Variants in XIRP2 observed in about 807,000 individuals in gnomAD.
XIRP2 encodes the protein xin actin-binding repeat-containing protein 2.
A neutral mutation model predicts 277.0 loss-of-function variants in XIRP2; 236 were observed. The observed-to-expected ratio is 0.85, with a 90% CI of 0.77 to 0.95. XIRP2 has a LOEUF of 0.95. Ranked by LOEUF, XIRP2 falls within the 40% of genes least tolerant of loss-of-function variation. The probability of loss-of-function intolerance (pLI) is 0.00; values close to 1 mark genes in which losing one functional copy is unlikely to be tolerated. For synonymous variants in XIRP2, 1,490 were observed against 1,416.5 expected (o/e 1.05, Z -1.17); for missense variants, 4,640 against 4,157.5 (o/e 1.12, Z -3.19).
At chr2:167,007,851 T>C (rs942187821) in intron 2 of XIRP2, among the ~76,000 whole-genome samples, 2 of 151,538 alleles carry the variant, frequency 1.3e-5, no homozygotes, top group African/African-American at 4.8e-5. Context: ...ATTTTTAAAA[T>C]GTGGAAGGGG....
At chr2:166,973,130 G>A (rs1686622152) in intron 2 of XIRP2, among the ~76,000 whole-genome samples, 1 of 151,898 alleles carries the variant, frequency 6.6e-6, no homozygotes, top group South Asian at 2.1e-4. Flanking sequence ...CTTTTCATAA[G>A]TTTTTCTATA....
chr2:166,933,542 T>C (rs1318753096), intron 2 of XIRP2, among the ~76,000 whole-genome samples: 1 of 151,462 alleles, frequency 6.6e-6, no homozygotes, highest in African/African-American at 2.4e-5. Context: ...ATCGTGCCAC[T>C]GCACTCCAGC....
intron 2 of XIRP2, among the ~76,000 whole-genome samples, chr2:167,125,166 GTATT>G (rs1003891206): frequency 6.6e-6 from 1 of 152,064 alleles, no homozygotes; most frequent in Non-Finnish European, 1.5e-5. Context: ...TCTAGTTATT[GTATT>G]TGTCTATTCT....
intron 3 of XIRP2, among the ~76,000 whole-genome samples, chr2:167,139,051 A>T (rs1410892929): frequency 1.3e-5 from 2 of 151,572 alleles, no homozygotes; most frequent in African/African-American, 4.9e-5. Context: ...TGGCCAACAG[A>T]GCGAGACTCT....
In XIRP2 at chr2:167,241,839, T is replaced by G; in HGVS notation, c.1105T>G (p.Phe369Val). ...TTCGACTAAGTTGTTAAAAGAGCAG[T>G]TTGAAAAGTCTGCCCAGGAAAAGAT... ...KVSTKLLKEQ[F>V]EKSAQEKILY... Residue 369 changes from phenylalanine (F) to valine (V), a missense_variant, in exon 8 of 11, where the codon TTT (phenylalanine) becomes GTT (valine). Transcript: ENST00000409195. 1.2e-6 allele frequency: 2 copies of G among 1,613,732 alleles called. No individual in the cohort carries two copies. Among genetic ancestry groups the G allele is most frequent in the Non-Finnish European group, 1.7e-6 (2 of 1,179,788 alleles).
At chr2:167,173,424 C>T (rs1296908193) in intron 3 of XIRP2, among the ~76,000 whole-genome samples, 1 of 152,174 alleles carries the variant, frequency 6.6e-6, no homozygotes, top group East Asian at 1.9e-4. Flanking sequence ...ACATAGTGAC[C>T]TCCATTTTCA....
At chr2:167,199,567 C>G (rs1693618959) in intron 3 of XIRP2, among the ~76,000 whole-genome samples, 1 of 152,182 alleles carries the variant, frequency 6.6e-6, no homozygotes, top group African/African-American at 2.4e-5. Context: ...TACCAATGCA[C>G]TGCTTTGACC....
At position 167,135,530 on chromosome 2, in the gene XIRP2, TA is replaced by T. The variant is rs1241747172; in HGVS notation, c.409-377del. On this transcript the variant is annotated intron_variant, in intron 2 of 10. Coordinates refer to ENST00000409195, the MANE Select transcript of XIRP2 (RefSeq NM_152381.6). ...CTCATTTCCTTCTGTCTTCAGCATA[TA>T]ATGTTTTTACATTGCCATTTTTTGA... Among the ~76,000 whole-genome samples the T allele has an allele frequency of 3.3e-5, 5 of 152,298 alleles. No individual in the cohort carries two copies. The South Asian group carries it at 6.2e-4, about 19-fold the overall frequency.
intron 10 of XIRP2, 90 bp from the exon 11 acceptor site, chr2:167,257,767 A>G (rs1257199679): frequency 6.8e-6 from 9 of 1,323,298 alleles, no homozygotes; most frequent in Non-Finnish European, 9.2e-6. Flanking sequence ...TAAGTTTACT[A>G]GTCTGTAACT....
intron 9 of XIRP2, among the ~76,000 whole-genome samples, chr2:167,253,810 T>C (rs1490753804): frequency 1.3e-5 from 2 of 151,772 alleles, no homozygotes; most frequent in Non-Finnish European, 2.9e-5. Context: ...ACTCGTACAA[T>C]CTATAAATGG....
intron 2 of XIRP2, among the ~76,000 whole-genome samples, chr2:166,909,900 A>G (rs551822913): frequency 6.6e-6 from 1 of 152,312 alleles, no homozygotes; most frequent in Admixed American, 6.5e-5. Context: ...TTCTGTTTAT[A>G]TGCTGGATTA....
At chr2:166,986,946 C>A (rs1350798629) in intron 2 of XIRP2, among the ~76,000 whole-genome samples, 2 of 152,082 alleles carry the variant, frequency 1.3e-5, no homozygotes, top group Non-Finnish European at 2.9e-5. Context: ...ATCCAAAATA[C>A]TTTCTTATAT....
At chr2:167,057,481 C>T (rs1384801802) in intron 2 of XIRP2, among the ~76,000 whole-genome samples, 2 of 152,138 alleles carry the variant, frequency 1.3e-5, no homozygotes, top group African/African-American at 4.8e-5. Context: ...GGTCCGGAAA[C>T]ACTTGGGTTA....
At position 166,953,380 on chromosome 2, in the gene XIRP2, G is replaced by A. The variant is rs2105398484; in HGVS notation, c.408+49490G>A. On this transcript the variant is annotated intron_variant, in intron 2 of 10. Transcript: ENST00000409195. The stretch of plus-strand genomic sequence containing the variant: ...GTGATAAGTCTCACAAGATCTGGTG[G>A]TTTTATAAAAGGAAGTTTCCCTGCA... Among the ~76,000 whole-genome samples, 2 of 152,030 alleles carry A rather than the reference G, an allele frequency of 1.3e-5. 1 individual carries two copies.
At chr2:167,059,294 T>A (rs958474997) in intron 2 of XIRP2, among the ~76,000 whole-genome samples, 1 of 150,986 alleles carries the variant, frequency 6.6e-6, no homozygotes, top group Non-Finnish European at 1.5e-5. Flanking sequence ...TATTTTTTAT[T>A]TTTAGTAGAG....
At chr2:167,132,621 C>T (rs1378763765) in intron 2 of XIRP2, among the ~76,000 whole-genome samples, 2 of 152,124 alleles carry the variant, frequency 1.3e-5, no homozygotes. Context: ...TTGTGATCTG[C>T]TCCCGGCCTG....
intron 3 of XIRP2, among the ~76,000 whole-genome samples, chr2:167,183,918 G>A (rs1359970257): frequency 6.6e-6 from 1 of 152,152 alleles, no homozygotes; most frequent in Admixed American, 6.6e-5. Flanking sequence ...GAGAGGCGCT[G>A]ACCGCCTTAA....
intron 2 of XIRP2, among the ~76,000 whole-genome samples, chr2:166,935,508 C>T (rs1048586339): frequency 6.6e-6 from 1 of 152,118 alleles, no homozygotes; most frequent in Admixed American, 6.5e-5. Flanking sequence ...TGGTATGCTG[C>T]ACCCATTAAC....
Position 166,896,586 on chromosome 2 carries a change from TAAGA to T in XIRP2, c.-18-6874_-18-6871del, listed in dbSNP as rs554570669. On this transcript the variant is annotated intron_variant, in intron 1 of 10. Coordinates refer to ENST00000409195, the MANE Select transcript of XIRP2 (RefSeq NM_152381.6). ...TTTAGGATTTTAAGCTAAGTGTTAT[TAAGA>T]AAGAGTCAAAAAGTTTTAAAAATTA... Among the ~76,000 whole-genome samples the T allele has an allele frequency of 1.2e-3, 176 of 152,120 alleles. 1 individual carries two copies. The highest frequency in any genetic ancestry group is 4.1e-3 in the African/African-American group (170 of 41,556).
Sources: gnomAD v4.1 joint callset for allele counts (sites outside exome capture counted in the v4.1 genomes callset) on GRCh38, gnomAD v4.1.1 for gene constraint, MANE v1.5 for transcripts, NCBI Gene and HGNC (gene_info 2026-07-23, HGNC 2026-07-21) for gene names.